The following RELN variants were observed in gnomAD, a reference collection of about 807,000 sequenced individuals.
RELN encodes the protein reelin.
A neutral mutation model predicts 427.6 loss-of-function variants in RELN; 108 were observed. The observed-to-expected ratio is 0.25, with a 90% confidence interval of 0.22 to 0.30. The LOEUF (loss-of-function observed/expected upper bound fraction) is 0.30. Ranked by LOEUF, RELN falls within the 10% of genes least tolerant of loss-of-function variation. The pLI, the probability that RELN is intolerant of heterozygous loss-of-function variation, is 1.00. For synonymous variants in RELN, 1,524 were observed against 1,513.4 expected (o/e 1.01, Z -0.16); for missense variants, 3,715 against 4,302.8 (o/e 0.86, Z 3.82).
intron 7 of RELN, among the ~76,000 whole-genome samples, chr7:103,726,921 A>G (rs1291012686): frequency 1.3e-5 from 2 of 152,146 alleles, no homozygotes; most frequent in Admixed American, 6.6e-5. Context: ...AGCACCTACT[A>G]TTTTAATTTG....
chr7:103,908,042 G>C (rs998353301), intron 2 of RELN, among the ~76,000 whole-genome samples: 1 of 152,108 alleles, frequency 6.6e-6, no homozygotes, highest in African/African-American at 2.4e-5. Flanking sequence ...ACTTATGAGT[G>C]AGAACATGAG....
intron 2 of RELN, among the ~76,000 whole-genome samples, chr7:103,899,660 T>C (rs905654756): frequency 2.0e-5 from 3 of 152,092 alleles, no homozygotes; most frequent in African/African-American, 7.2e-5. Context: ...CACAAATTAA[T>C]AAACGTAATC....
At position 103,497,828 on chromosome 7, in the gene RELN, G is replaced by A; in HGVS notation, c.8942C>T (p.Thr2981Ile). The change falls in exon 55 of 65, where the codon ACC becomes ATC. Residue 2981 changes from threonine (T) to isoleucine (I), a missense_variant. By Grantham distance (89) the Thr-to-Ile change is moderately conservative (BLOSUM62 -1). Coordinates refer to ENST00000428762, the MANE Select transcript of RELN (RefSeq NM_005045.4). ...TCACCCCTGACACATGCCTCCATCG[G>A]TAGAGTAGTCCAACAGCACGCCTTC... ...RKEGVLLDYS[T>I]DGGITWTLLH... The A allele has an allele frequency of 1.9e-6, 3 of 1,613,928 alleles. No individual in the cohort carries two copies. The highest frequency in any genetic ancestry group is 2.2e-5 in the East Asian group (1 of 44,880).
chr7:103,950,202 A>G (rs535725954), intron 1 of RELN, among the ~76,000 whole-genome samples: 74 of 152,282 alleles, frequency 4.9e-4, no homozygotes, highest in African/African-American at 1.7e-3. Flanking sequence ...TTCCGCCCTC[A>G]TGACCTAATC....
intron 36 of RELN, among the ~76,000 whole-genome samples, chr7:103,560,644 C>T (rs905955081): frequency 1.1e-4 from 17 of 152,088 alleles, no homozygotes; most frequent in Admixed American, 2.0e-4. Flanking sequence ...AAACAAATCC[C>T]GCTGCCCCCA....
At chr7:103,961,276 T>A (rs529022022) in intron 1 of RELN, among the ~76,000 whole-genome samples, 6 of 152,336 alleles carry the variant, frequency 3.9e-5, no homozygotes, top group African/African-American at 1.4e-4. Context: ...TTTAAAGAAT[T>A]CATGACTGAA....
chr7:103,806,915 G>C (rs938196414), intron 3 of RELN, among the ~76,000 whole-genome samples: 1 of 152,094 alleles, frequency 6.6e-6, no homozygotes, highest in African/African-American at 2.4e-5. Flanking sequence ...AGTGTTACAG[G>C]CTCCATGCAA....
chr7:103,586,307 G>T (rs1383351417), intron 28 of RELN, among the ~76,000 whole-genome samples: 1 of 152,104 alleles, frequency 6.6e-6, no homozygotes, highest in African/African-American at 2.4e-5. Flanking sequence ...AGGTTGCAGT[G>T]AGCAGAGATC....
intron 48 of RELN, among the ~76,000 whole-genome samples, chr7:103,520,422 T>A (rs372983419): frequency 7.9e-5 from 12 of 152,120 alleles, no homozygotes; most frequent in African/African-American, 2.9e-4. Flanking sequence ...ACCACAGTTG[T>A]GTGCTACCAC....
chr7:103,867,313 T>G (rs1411537697), intron 2 of RELN, among the ~76,000 whole-genome samples: 1 of 151,962 alleles, frequency 6.6e-6, no homozygotes, highest in Admixed American at 6.6e-5. Context: ...TTTCCCAGTT[T>G]GATAATAGTT....
intron 3 of RELN, among the ~76,000 whole-genome samples, chr7:103,781,165 A>G (rs1192211661): frequency 4.6e-5 from 7 of 152,096 alleles, no homozygotes; most frequent in African/African-American, 1.7e-4. Flanking sequence ...GTGACCAGCA[A>G]TAACACAGGC....
intron 64 of RELN, among the ~76,000 whole-genome samples, chr7:103,477,167 T>C (rs537242896): frequency 3.3e-5 from 5 of 152,322 alleles, no homozygotes; most frequent in Non-Finnish European, 5.9e-5. Context: ...TATAGAATTA[T>C]AACGTGTTTC....
At chr7:103,478,117 C>T (rs958692608) in intron 64 of RELN, among the ~76,000 whole-genome samples, 4 of 152,132 alleles carry the variant, frequency 2.6e-5, no homozygotes, top group African/African-American at 9.7e-5. Context: ...AAATCTGTTG[C>T]CCAATGATGA....
At chr7:103,874,333 CAT>C (rs1794424790) in intron 2 of RELN, among the ~76,000 whole-genome samples, 1 of 137,808 alleles carries the variant, frequency 7.3e-6, no homozygotes, top group Non-Finnish European at 1.6e-5. Context: ...TCCTATTCAA[CAT>C]AGTGTTGGAA....
At chr7:103,752,857 T>A (rs1562991742) in intron 5 of RELN, among the ~76,000 whole-genome samples, 1 of 152,220 alleles carries the variant, frequency 6.6e-6, no homozygotes, top group Non-Finnish European at 1.5e-5. Flanking sequence ...TGCTCTAATA[T>A]TTATGATGGG....
chr7:103,938,414 A>T (rs1021469977), intron 1 of RELN, among the ~76,000 whole-genome samples: 5 of 152,182 alleles, frequency 3.3e-5, no homozygotes, highest in South Asian at 4.1e-4. Context: ...TAATATCAAA[A>T]TTTTTTCATA....
intron 1 of RELN, among the ~76,000 whole-genome samples, chr7:103,934,368 A>T (rs1795933830): frequency 6.6e-6 from 1 of 152,150 alleles, no homozygotes; most frequent in Non-Finnish European, 1.5e-5. Flanking sequence ...TTCATGATAC[A>T]CTTTATCCTT....
At chr7:103,780,918 G>A (rs912396795) in intron 3 of RELN, among the ~76,000 whole-genome samples, 3 of 152,120 alleles carry the variant, frequency 2.0e-5, no homozygotes, top group Non-Finnish European at 4.4e-5. Context: ...TAAAATTACT[G>A]GATGACGTTC....
chr7:103,631,729 A>G (rs1832471554), intron 19 of RELN, among the ~76,000 whole-genome samples: 1 of 152,172 alleles, frequency 6.6e-6, no homozygotes, highest in South Asian at 2.1e-4. Flanking sequence ...GTATTTTAGT[A>G]ATTTTCAATT....
Sources: gnomAD v4.1 joint callset for allele counts (sites outside exome capture counted in the v4.1 genomes callset) on GRCh38, gnomAD v4.1.1 for gene constraint, MANE v1.5 for transcripts, NCBI Gene and HGNC (gene_info 2026-07-23, HGNC 2026-07-21) for gene names.